PSME4: variants seen among roughly 807,000 people sequenced by gnomAD.
PSME4 encodes the protein proteasome activator complex subunit 4.
A neutral mutation model predicts 253.9 loss-of-function variants in PSME4; 89 were observed. The ratio of observed to expected loss-of-function variants is 0.35; its 90% confidence interval spans 0.30 to 0.42. The LOEUF is 0.42. Ranked by LOEUF, PSME4 falls within the 10% of genes least tolerant of loss-of-function variation. The probability of loss-of-function intolerance (pLI) is 1.00; values close to 1 mark genes in which losing one functional copy is unlikely to be tolerated. For missense variants in PSME4, 2,014 were observed against 2,195.2 expected (o/e 0.92, Z 1.65); for synonymous variants, 851 against 759.2 (o/e 1.12, Z -1.99).
intron 36 of PSME4, among the ~76,000 whole-genome samples, chr2:53,890,749 T>A (rs1679868042): frequency 6.6e-6 from 1 of 152,134 alleles, no homozygotes; most frequent in Non-Finnish European, 1.5e-5. Context: ...ATCTCTTGGC[T>A]GGGTGCAGTG....
chr2:53,908,971 T>C lies in PSME4; in HGVS notation c.2573-131A>G, dbSNP rs950484950. On this transcript the variant is annotated intron_variant, in intron 21 of 46. Transcript: ENST00000404125. ...AAAAATAGGTCTGCCTTTACCATAG[T>C]TGAATTAATGGCTAGGCATGCTACA... 4.3e-5 allele frequency: 26 copies of C among 610,152 alleles called. No individual in the cohort carries two copies. In the Admixed American group the frequency reaches 4.4e-4, roughly 10 times the overall value. 37.8% of individuals were successfully genotyped at this position (610,152 alleles called of 1,614,324 possible).
chr2:53,936,370 A>G (rs1250707565), intron 6 of PSME4, among the ~76,000 whole-genome samples: 1 of 152,158 alleles, frequency 6.6e-6, no homozygotes, highest in African/African-American at 2.4e-5. Flanking sequence ...AATGCTTCTA[A>G]AAAGAAAAAT....
chr2:53,940,777 T>G (rs1188745074), intron 3 of PSME4, among the ~76,000 whole-genome samples: 1 of 149,112 alleles, frequency 6.7e-6, no homozygotes, highest in Non-Finnish European at 1.5e-5. Flanking sequence ...AGCTGGAATT[T>G]TAAAATACGT....
intron 11 of PSME4, 98 bp downstream of exon 11, chr2:53,928,019 T>C (rs1203885026): frequency 1.2e-5 from 9 of 774,766 alleles, no homozygotes; most frequent in African/African-American, 7.0e-5. Flanking sequence ...TTCATATTTA[T>C]ATTAGGCTTA....
Position 53,890,184 on chromosome 2 carries a change from A to T in PSME4, c.4216T>A (p.Cys1406Ser). 2 of 1,613,786 alleles carry T rather than the reference A, an allele frequency of 1.2e-6. No homozygotes were observed. Among genetic ancestry groups the T allele is most frequent in the Non-Finnish European group, 1.7e-6 (2 of 1,179,828 alleles). Residue 1406 changes from cysteine to serine, a missense_variant, in exon 37 of 47, where the codon TGC becomes AGC. Physicochemically the swap from Cys to Ser is moderately radical, Grantham distance 112. Coordinates refer to ENST00000404125, the MANE Select transcript of PSME4 (RefSeq NM_014614.3). ...EKVEKLWELL[C>S]PLLRTALSNI... Reference sequence around the variant, plus strand: ...GACAGTGCTGTTCTAAGCAGAGGGCACAGAAGCTCCCAAAGCTTCTCCACC... The same window carrying T: ...GACAGTGCTGTTCTAAGCAGAGGGCTCAGAAGCTCCCAAAGCTTCTCCACC...
chr2:53,910,521 C>T (rs903507750), intron 20 of PSME4, among the ~76,000 whole-genome samples: 3 of 152,318 alleles, frequency 2.0e-5, no homozygotes, highest in Admixed American at 1.3e-4. Flanking sequence ...ATAATCATTA[C>T]CTTCCTCTTA....
chr2:53,927,657 T>C (rs1052297527), intron 11 of PSME4, among the ~76,000 whole-genome samples, 174 bp from the exon 12 acceptor site: 2 of 152,202 alleles, frequency 1.3e-5, no homozygotes, highest in African/African-American at 4.8e-5. Context: ...CATAATTAAC[T>C]AGCTGTCGGC....
chr2:53,929,732 C>A (rs941608348), intron 10 of PSME4, among the ~76,000 whole-genome samples: 2 of 151,824 alleles, frequency 1.3e-5, no homozygotes, highest in Non-Finnish European at 2.9e-5. Flanking sequence ...AAAATAAAAT[C>A]TTTGGCCAGC....
intron 1 of PSME4, among the ~76,000 whole-genome samples, chr2:53,961,716 C>G (rs1214170884): frequency 6.6e-6 from 1 of 152,050 alleles, no homozygotes; most frequent in Non-Finnish European, 1.5e-5. Context: ...ATGCTCATTC[C>G]CCATTGCTGT....
chr2:53,883,811 T>C (rs1354988761), intron 41 of PSME4, among the ~76,000 whole-genome samples: 1 of 152,126 alleles, frequency 6.6e-6, no homozygotes, highest in Non-Finnish European at 1.5e-5. Flanking sequence ...GTTTTAAGTA[T>C]CATCTCTGTT....
rs558391951 is a variant in PSME4 at position 53,887,845 on chromosome 2, A to C, written c.4520+13T>G. On this transcript the variant is annotated intron_variant, in intron 39 of 46. Transcript: ENST00000404125. The stretch of plus-strand genomic sequence containing the variant: ...GAACTCGAGAGGTACACCACAGAGA[A>C]AACAGTACCTACCTTCCTATTCTTT... 16 of 1,583,738 alleles carry C rather than the reference A, an allele frequency of 1.0e-5. No individual in the cohort carries two copies. The East Asian group carries it at 1.3e-4, about 13-fold the overall frequency.
chr2:53,896,486 C>T (rs879731901), intron 32 of PSME4, among the ~76,000 whole-genome samples: 11 of 152,070 alleles, frequency 7.2e-5, no homozygotes, highest in African/African-American at 1.2e-4. Context: ...TTCACCTTGT[C>T]CCTAATCCCA....
At chr2:53,894,931 G>A in intron 34 of PSME4, 76 bp downstream of exon 34, 5 of 1,253,030 alleles carry the variant, frequency 4.0e-6, no homozygotes, top group Non-Finnish European at 5.6e-6. Context: ...AGAAGAAGAA[G>A]AACTGAAGTG....
chr2:53,962,083 A>T (rs1670519103), intron 1 of PSME4, among the ~76,000 whole-genome samples: 2 of 152,224 alleles, frequency 1.3e-5, no homozygotes, highest in African/African-American at 4.8e-5. Context: ...GGACCAGTAT[A>T]AGCATGCCAG....
chr2:53,920,622 G>C (rs1056600155), intron 18 of PSME4, among the ~76,000 whole-genome samples: 3 of 152,068 alleles, frequency 2.0e-5, no homozygotes, highest in African/African-American at 4.8e-5. Flanking sequence ...GTTTAAGTGA[G>C]GCTTAGTTTA....
intron 37 of PSME4, 147 bp downstream of exon 37, chr2:53,889,957 A>C (rs566375600): frequency 1.1e-4 from 68 of 642,650 alleles, no homozygotes; most frequent in Non-Finnish European, 1.6e-4. Flanking sequence ...AATAGTCTCT[A>C]ATCCCATGGA....
chr2:53,969,916 C>CTT (rs560320360), intron 1 of PSME4, among the ~76,000 whole-genome samples: 2,952 of 152,180 alleles, frequency 0.019, 99 homozygotes, highest in African/African-American at 0.068. Flanking sequence ...ACACACAATC[C>CTT]AAAACAACAC....
chr2:53,950,965 C>A (rs1669957895), intron 1 of PSME4, among the ~76,000 whole-genome samples: 1 of 152,032 alleles, frequency 6.6e-6, no homozygotes, highest in Non-Finnish European at 1.5e-5. Flanking sequence ...ATCATAAAAC[C>A]CCTGGAGGAG....
intron 41 of PSME4, among the ~76,000 whole-genome samples, chr2:53,885,417 A>C (rs1020053321): frequency 6.6e-6 from 1 of 152,236 alleles, no homozygotes; most frequent in Non-Finnish European, 1.5e-5. Context: ...TAATTCCTCT[A>C]ATCTGCTATT....
Sources: gnomAD v4.1 joint callset for allele counts (sites outside exome capture counted in the v4.1 genomes callset) on GRCh38, gnomAD v4.1.1 for gene constraint, MANE v1.5 for transcripts, NCBI Gene and HGNC (gene_info 2026-07-23, HGNC 2026-07-21) for gene names.